ABCA4: variants seen among roughly 807,000 people sequenced by gnomAD.
ABCA4 encodes ATP binding cassette subfamily A member 4.
In ABCA4, 196 loss-of-function variants were observed where a neutral mutation model predicts 263.7. The observed-to-expected ratio is 0.74, with a 90% CI of 0.66 to 0.84. The LOEUF is 0.84. Ranked by LOEUF, ABCA4 falls within the 40% of genes least tolerant of loss-of-function variation. The pLI, the probability that ABCA4 is intolerant of heterozygous loss-of-function variation, is 0.00. For missense variants in ABCA4, 2,792 were observed against 2,855.1 expected (o/e 0.98, Z 0.50); for synonymous variants, 1,133 against 1,094.2 (o/e 1.04, Z -0.70).
chr1:94,001,083 T>C lies in ABCA4; in HGVS notation c.6305A>G (p.Asp2102Gly), dbSNP rs1409314346. The C allele has an allele frequency of 1.2e-6, 2 of 1,613,760 alleles. No homozygotes were observed. Among genetic ancestry groups the C allele is most frequent in the East Asian group, 2.2e-5 (1 of 44,856 alleles). ...VLLDEPTTGM[D>G]PQARRMLWNV... ...CCACAGCATGCGGCGTGCCTGGGGG[T>C]CCATCCCTGTGGTGGGCTCATCCTG... The change falls in exon 46 of 50, where the codon GAC (aspartate) becomes GGC (glycine). Residue 2102 changes from aspartate to glycine, a missense_variant. By Grantham distance (94) the Asp-to-Gly change is moderately conservative (BLOSUM62 -1). Transcript: ENST00000370225.
chr1:94,043,649 A>T (rs1660583025), intron 20 of ABCA4, among the ~76,000 whole-genome samples, 174 bp from the exon 21 acceptor site: 1 of 152,216 alleles, frequency 6.6e-6, no homozygotes, highest in African/African-American at 2.4e-5. Context: ...ATCTAATAAG[A>T]GGATGGCTTA....
chr1:94,062,609 C>T lies in ABCA4; in HGVS notation c.1905G>A (p.Gln635=), dbSNP rs759606767. The T allele has an allele frequency of 6.2e-7, 1 of 1,614,174 alleles. No individual in the cohort carries two copies. Among genetic ancestry groups the T allele is most frequent in the South Asian group, 1.1e-5 (1 of 91,084 alleles). Residue 635 remains glutamine (Q), a synonymous_variant, in exon 13 of 50, where the codon CAG becomes CAA. Coordinates refer to ENST00000370225, the MANE Select transcript of ABCA4 (RefSeq NM_000350.3). ...QAEAPVGIYL[Q]QMPYPCFVDD... ...CCACGAAGCAGGGGTAGGGCATCTG[C>T]TGGAGGTAGATTCCAACTGGAGCCT...
intron 40 of ABCA4, among the ~76,000 whole-genome samples, chr1:94,010,295 T>C (rs762245166): frequency 7.2e-5 from 11 of 152,124 alleles, no homozygotes; most frequent in Non-Finnish European, 1.0e-4. Flanking sequence ...TGAGAAGCCC[T>C]GGTCAAAAGT....
Position 94,021,922 on chromosome 1 carries a change from A to C in ABCA4, c.4697T>G (p.Leu1566Arg). ...TTCCCCCGTGATGGGGACGACTGGG[A>C]GCTTTCCTCCAATGGAAATTCCTCC... ...RYGGISIGGK[L>R]PVVPITGEAL... The change falls in exon 33 of 50, where the codon CTC (leucine) becomes CGC (arginine). Residue 1566 changes from leucine to arginine, a missense_variant. Transcript: ENST00000370225. 6.2e-7 allele frequency: 1 copy of C among 1,614,204 alleles called. No individual in the cohort carries two copies. The highest frequency in any genetic ancestry group is 8.5e-7 in the Non-Finnish European group (1 of 1,180,034).
intron 25 of ABCA4, 67 bp downstream of exon 25, chr1:94,037,078 G>A: frequency 6.5e-7 from 1 of 1,537,528 alleles, no homozygotes; most frequent in Non-Finnish European, 9.0e-7. Context: ...TTGCTCTAAT[G>A]TTAGACTTTT....
rs1189644807 is a variant in ABCA4 at position 94,014,549 on chromosome 1, A to G, written c.5454T>C (p.Asn1818=). 11 of 1,614,242 alleles carry G rather than the reference A, an allele frequency of 6.8e-6. No homozygotes were observed. The highest frequency in any genetic ancestry group is 1.7e-5 in the Admixed American group (1 of 60,034). ...AITFILELFE[N]NRTLLRFNAV... ...CCAAGAAAGTTATGCTCACCCGGTTATTCTCAAATAATTCCAAGATGAAGG... is the reference window on the plus strand; with the variant it reads ...CCAAGAAAGTTATGCTCACCCGGTTGTTCTCAAATAATTCCAAGATGAAGG... The change falls in exon 38 of 50, where the codon AAT becomes AAC. Residue 1818 remains asparagine (N), a synonymous_variant. Coordinates refer to ENST00000370225, the MANE Select transcript of ABCA4 (RefSeq NM_000350.3).
Position 93,993,222 on chromosome 1 carries a change from G to A in ABCA4, c.*15C>T, listed in dbSNP as rs369306889. On this transcript the variant is annotated 3_prime_UTR_variant, in exon 50 of 50. Transcript: ENST00000370225. The stretch of plus-strand genomic sequence containing the variant: ...AGAGTTCCTTTCTGGCTGCAGGAAC[G>A]AGCGGTGTGAAAGATCAGTCCTGTG... 54 of 1,613,732 alleles carry A rather than the reference G, an allele frequency of 3.3e-5. No homozygotes were observed. The highest frequency in any genetic ancestry group is 2.7e-5 in the African/African-American group (2 of 74,874).
intron 16 of ABCA4, among the ~76,000 whole-genome samples, chr1:94,054,467 GACATTTGA>G (rs958617442): frequency 3.3e-4 from 51 of 152,282 alleles, no homozygotes; most frequent in African/African-American, 1.2e-3. Context: ...GTGATAATGG[GACATTTGA>G]ACAGAGACCT....
At chr1:94,045,337 T>A (rs556913205) in intron 19 of ABCA4, among the ~76,000 whole-genome samples, 83 of 145,304 alleles carry the variant, frequency 5.7e-4, no homozygotes, top group African/African-American at 1.9e-3. Context: ...TTTTTTTTTT[T>A]AAATGGGAAC....
intron 1 of ABCA4, among the ~76,000 whole-genome samples, chr1:94,117,019 TTTCTTTCC>T (rs1238748239): frequency 2.7e-3 from 397 of 144,522 alleles, no homozygotes; most frequent in African/African-American, 4.8e-3. Context: ...TCTTTCTTTC[TTTCTTTCC>T]TTTTCTTTCT....
At position 94,014,569 on chromosome 1, in the gene ABCA4, T is replaced by C; in HGVS notation, c.5434A>G (p.Ile1812Val). The C allele has an allele frequency of 1.2e-6, 2 of 1,614,164 alleles. No individual in the cohort carries two copies. The highest frequency in any genetic ancestry group is 1.7e-6 in the Non-Finnish European group (2 of 1,180,018). Reference protein sequence around the residue: ...IGINSSAITFILELFENNRTL... With the variant: ...IGINSSAITFVLELFENNRTL... ...CGGTTATTCTCAAATAATTCCAAGA[T>C]GAAGGTAATAGCACTGCTGTTGATG... Residue 1812 changes from isoleucine to valine, a missense_variant, in exon 38 of 50, where the codon ATC (isoleucine) becomes GTC (valine). Ile to Val is a conservative substitution (Grantham distance 29, BLOSUM62 3). Coordinates refer to ENST00000370225, the MANE Select transcript of ABCA4 (RefSeq NM_000350.3).
intron 8 of ABCA4, 69 bp downstream of exon 8, chr1:94,080,409 T>G: frequency 6.2e-7 from 1 of 1,601,818 alleles, no homozygotes; most frequent in Non-Finnish European, 8.5e-7. Context: ...TGGTTTCACC[T>G]AGAAGTGTTA....
At chr1:94,047,846 C>T (rs1660729484) in intron 18 of ABCA4, among the ~76,000 whole-genome samples, 1 of 152,240 alleles carries the variant, frequency 6.6e-6, no homozygotes, top group Admixed American at 6.5e-5. Context: ...AGTGCTCTCA[C>T]TTCTCCCTGA....
At chr1:94,029,000 C>T (rs1470739432) in intron 30 of ABCA4, among the ~76,000 whole-genome samples, 1 of 149,850 alleles carries the variant, frequency 6.7e-6, no homozygotes, top group East Asian at 1.9e-4. Context: ...GACATGGATG[C>T]ATGTTCCTAG....
intron 30 of ABCA4, among the ~76,000 whole-genome samples, chr1:94,026,958 G>A (rs1305360764): frequency 6.6e-6 from 1 of 151,940 alleles, no homozygotes; most frequent in Non-Finnish European, 1.5e-5. Flanking sequence ...GAGAGAGAAA[G>A]ATAGAGAGAG....
intron 28 of ABCA4, 119 bp downstream of exon 28, chr1:94,030,877 C>T (rs527888484): frequency 3.4e-6 from 5 of 1,467,360 alleles, no homozygotes; most frequent in African/African-American, 2.8e-5. Flanking sequence ...CCAAAGACCC[C>T]TCCCCTCTCT....
rs148015012 is a variant in ABCA4 at position 94,044,733 on chromosome 1, G to A, written c.2930C>T (p.Thr977Met). ...CCCAGAGGTTGGTGGCAACAGACCC[G>A]TCAGGATGGACCTGCAGAACACAGG... ...AGKTTTLSIL[T>M]GLLPPTSGTV... Residue 977 changes from threonine (T) to methionine (M), a missense_variant, in exon 20 of 50, where the codon ACG becomes ATG. Thr to Met is a moderately conservative substitution (Grantham distance 81, BLOSUM62 -1). Coordinates refer to ENST00000370225, the MANE Select transcript of ABCA4 (RefSeq NM_000350.3). 8.4e-5 allele frequency: 135 copies of A among 1,614,198 alleles called. No individual in the cohort carries two copies. The African/African-American group carries it at 9.9e-4, about 12-fold the overall frequency.
At position 94,089,072 on chromosome 1, in the gene ABCA4, C is replaced by T. The variant is rs552951016; in HGVS notation, c.769-5631G>A. 2.6e-5 allele frequency among the ~76,000 whole-genome samples: 4 copies of T among 152,322 alleles called. No individual in the cohort carries two copies. In the East Asian group the frequency reaches 7.7e-4, roughly 29 times the overall value. On this transcript the variant is annotated intron_variant, in intron 6 of 49. Transcript: ENST00000370225. The stretch of plus-strand genomic sequence containing the variant: ...CTGCAGGCCCCAGGCACACTCTGGT[C>T]TTGAAACTCCACCACACATCACATG...
rs866722017 is a variant in ABCA4 at position 94,036,415 on chromosome 1, C to T, written c.3862+325G>A. Among the ~76,000 whole-genome samples, 5 of 148,258 alleles carry T rather than the reference C, an allele frequency of 3.4e-5. No homozygotes were observed. The East Asian group carries it at 5.9e-4, about 17-fold the overall frequency. ...TTTTTGAGATGGATTTTGCTCTTGTCGCTCAGGCTGCAGTGCAGTGGCACA... is the reference window on the plus strand; with the variant it reads ...TTTTTGAGATGGATTTTGCTCTTGTTGCTCAGGCTGCAGTGCAGTGGCACA... On this transcript the variant is annotated intron_variant, in intron 26 of 49. Transcript: ENST00000370225.
Sources: gnomAD v4.1 joint callset for allele counts (sites outside exome capture counted in the v4.1 genomes callset) on GRCh38, gnomAD v4.1.1 for gene constraint, MANE v1.5 for transcripts, NCBI Gene and HGNC (gene_info 2026-07-23, HGNC 2026-07-21) for gene names.